PDE4B: variants seen among roughly 807,000 people sequenced by gnomAD.
PDE4B encodes 3',5'-cyclic-AMP phosphodiesterase 4B.
In PDE4B, 20 loss-of-function variants were observed where a neutral mutation model predicts 82.2. The observed-to-expected ratio is 0.24, with a 90% CI of 0.17 to 0.35. The LOEUF (loss-of-function observed/expected upper bound fraction) is 0.35, where lower values mean the gene tolerates loss of function less well. PDE4B is among the 10% of genes least tolerant of loss of function. The pLI, the probability that PDE4B is intolerant of heterozygous loss-of-function variation, is 1.00. For synonymous variants in PDE4B, 320 were observed against 318.9 expected, an observed-to-expected ratio of 1.00 and a Z score of -0.04; for missense variants, 655 against 907.2, an observed-to-expected ratio of 0.72 and a Z score of 3.57.
intron 7 of PDE4B, among the ~76,000 whole-genome samples, chr1:66,321,524 C>T (rs187269604): frequency 3.9e-5 from 6 of 152,214 alleles, no homozygotes; most frequent in Non-Finnish European, 5.9e-5. Flanking sequence ...TTGTTTCTCA[C>T]AGTTCTGGAA....
At chr1:66,257,611 A>G (rs368156740) in intron 4 of PDE4B, 36 bp from the exon 5 acceptor site, 33 of 1,584,930 alleles carry the variant, frequency 2.1e-5, no homozygotes, top group Admixed American at 3.4e-5. Context: ...TAATTCAAGT[A>G]AATTTCTAAA....
At chr1:66,096,834 G>T (rs1645129628) in intron 3 of PDE4B, among the ~76,000 whole-genome samples, 1 of 151,490 alleles carries the variant, frequency 6.6e-6, no homozygotes, top group Admixed American at 6.6e-5. Flanking sequence ...TATTCCCTCT[G>T]TCACTATAGT....
chr1:66,161,103 C>T (rs934105570), intron 3 of PDE4B, among the ~76,000 whole-genome samples: 3 of 151,932 alleles, frequency 2.0e-5, no homozygotes, highest in Admixed American at 6.6e-5. Flanking sequence ...ATCTTGAAAA[C>T]GCATTATTTT....
intron 1 of PDE4B, among the ~76,000 whole-genome samples, chr1:65,908,684 A>G (rs17128118): frequency 0.064 from 9,755 of 152,082 alleles, 691 homozygotes; most frequent in East Asian, 0.35. Flanking sequence ...GGGCAAGGGG[A>G]CCTTACCAAC....
At chr1:66,284,273 C>T (rs1407799191) in intron 7 of PDE4B, among the ~76,000 whole-genome samples, 2 of 152,084 alleles carry the variant, frequency 1.3e-5, no homozygotes, top group East Asian at 3.8e-4. Context: ...TTTCCCATAG[C>T]TCGGTCATTC....
intron 3 of PDE4B, among the ~76,000 whole-genome samples, chr1:66,008,770 T>G (rs571881877): frequency 6.6e-6 from 1 of 152,098 alleles, no homozygotes; most frequent in Non-Finnish European, 1.5e-5. Context: ...CCAAATATAA[T>G]GACCAATTCC....
At chr1:66,034,566 T>C (rs1411015867) in intron 3 of PDE4B, among the ~76,000 whole-genome samples, 1 of 152,114 alleles carries the variant, frequency 6.6e-6, no homozygotes, top group African/African-American at 2.4e-5. Context: ...ATACCAAACA[T>C]TAAAAGGGCA....
chr1:65,860,081 G>C (rs1433061887), intron 1 of PDE4B, among the ~76,000 whole-genome samples: 1 of 152,174 alleles, frequency 6.6e-6, no homozygotes, highest in East Asian at 1.9e-4. Context: ...TGCAGAACAT[G>C]CAGGTTAGTT....
At chr1:66,095,009 G>A (rs1311029400) in intron 3 of PDE4B, among the ~76,000 whole-genome samples, 1 of 151,870 alleles carries the variant, frequency 6.6e-6, no homozygotes, top group Non-Finnish European at 1.5e-5. Context: ...GACTGGTTAA[G>A]TAAAATTTCC....
intron 1 of PDE4B, among the ~76,000 whole-genome samples, chr1:65,836,097 A>G (rs1309556581): frequency 1.3e-5 from 2 of 152,038 alleles, no homozygotes; most frequent in Admixed American, 1.3e-4. Context: ...ACACACCACC[A>G]CACCTGGCTA....
At chr1:66,054,087 G>A (rs950157889) in intron 3 of PDE4B, among the ~76,000 whole-genome samples, 2 of 152,060 alleles carry the variant, frequency 1.3e-5, no homozygotes, top group East Asian at 1.9e-4. Context: ...TGCAGAAGGC[G>A]GTGGATCCAG....
At chr1:65,889,140 C>T (rs1296601726) in intron 1 of PDE4B, among the ~76,000 whole-genome samples, 5 of 152,054 alleles carry the variant, frequency 3.3e-5, no homozygotes, top group African/African-American at 4.8e-5. Context: ...GGGTTTTTAT[C>T]ATGAAGGGAT....
chr1:66,037,673 G>A (rs541422174), intron 3 of PDE4B, among the ~76,000 whole-genome samples: 1 of 152,254 alleles, frequency 6.6e-6, no homozygotes, highest in South Asian at 2.1e-4. Flanking sequence ...AGTGATGAGA[G>A]TGGGCATCCT....
chr1:66,164,519 G>A (rs1646680160), intron 3 of PDE4B, among the ~76,000 whole-genome samples: 1 of 94,770 alleles, frequency 1.1e-5, no homozygotes, highest in African/African-American at 4.2e-5. Flanking sequence ...CTGGACAACA[G>A]AGAGAGACTC....
chr1:66,190,504 T>C (rs936223705), intron 3 of PDE4B, among the ~76,000 whole-genome samples: 2 of 152,176 alleles, frequency 1.3e-5, no homozygotes, highest in African/African-American at 2.4e-5. Flanking sequence ...TCCCAGCCAC[T>C]TTGTTTACCT....
intron 3 of PDE4B, among the ~76,000 whole-genome samples, chr1:66,232,569 A>AT (rs2101635460): frequency 6.6e-6 from 1 of 152,332 alleles, no homozygotes; most frequent in Non-Finnish European, 1.5e-5. Context: ...AAGAGCGTAA[A>AT]GCTGAGCCCA....
At chr1:65,840,934 CAG>C (rs1213632740) in intron 1 of PDE4B, among the ~76,000 whole-genome samples, 1 of 152,116 alleles carries the variant, frequency 6.6e-6, no homozygotes, top group East Asian at 1.9e-4. Context: ...GTAAATGAAA[CAG>C]AATACAGGTG....
At chr1:66,255,976 C>A (rs1346987596) in intron 4 of PDE4B, among the ~76,000 whole-genome samples, 1 of 152,116 alleles carries the variant, frequency 6.6e-6, no homozygotes, top group African/African-American at 2.4e-5. Context: ...GCAGCCTGGG[C>A]AACATGGCAA....
chr1:65,811,005 T>C (rs1313120424), intron 1 of PDE4B, among the ~76,000 whole-genome samples: 1 of 152,184 alleles, frequency 6.6e-6, no homozygotes, highest in African/African-American at 2.4e-5. Flanking sequence ...GCAGGGTGTT[T>C]AACAGCATCC....
Sources: allele counts gnomAD v4.1 joint callset (sites outside exome capture counted in the v4.1 genomes callset), GRCh38; gene constraint gnomAD v4.1.1; transcripts MANE v1.5; gene names NCBI Gene and HGNC (gene_info 2026-07-23, HGNC 2026-07-21).